Variants in SYNE1 observed in about 807,000 individuals in gnomAD.
SYNE1 encodes the protein nesprin-1.
Under a neutral mutation model 1,111.0 loss-of-function variants are expected in SYNE1, and 616 were observed. The observed-to-expected ratio is 0.55, with a 90% CI of 0.52 to 0.59. SYNE1 has a LOEUF of 0.59. Among genes scored for constraint, SYNE1 ranks in the 20% least tolerant of loss-of-function variants. The probability of loss-of-function intolerance (pLI) is 0.00; values close to 1 mark genes in which losing one functional copy is unlikely to be tolerated. For missense variants in SYNE1, 10,006 were observed against 10,417.0 expected (o/e 0.96, Z 1.72); for synonymous variants, 3,855 against 3,825.8 (o/e 1.01, Z -0.28).
At chr6:152,141,140 G>A in intron 139 of SYNE1, 63 bp downstream of exon 139, 1 of 1,611,978 alleles carries the variant, frequency 6.2e-7, no homozygotes, top group South Asian at 1.1e-5. Context: ...GAATTTCGCT[G>A]TTAACAAAGT....
chr6:152,406,944 CTTTTT>C, intron 45 of SYNE1, 65 bp downstream of exon 45: 1 of 967,416 alleles, frequency 1.0e-6, no homozygotes, highest in Non-Finnish European at 1.4e-6. Flanking sequence ...TTAAGAAAGA[CTTTTT>C]TTTTTTTTCA....
At chr6:152,360,053 CA>C (rs2096906090) in intron 64 of SYNE1, among the ~76,000 whole-genome samples, 1 of 152,190 alleles carries the variant, frequency 6.6e-6, no homozygotes, top group South Asian at 2.1e-4. Flanking sequence ...GATTCCTGGC[CA>C]CCAATTCTTT....
At chr6:152,494,714 C>G (rs1490287549) in intron 11 of SYNE1, among the ~76,000 whole-genome samples, 2 of 152,168 alleles carry the variant, frequency 1.3e-5, no homozygotes, top group Admixed American at 6.5e-5. Flanking sequence ...CCTCACCATG[C>G]AAGGGTCCTC....
intron 128 of SYNE1, among the ~76,000 whole-genome samples, chr6:152,188,017 C>T (rs1311175243): frequency 6.6e-6 from 1 of 152,160 alleles, no homozygotes; most frequent in Admixed American, 6.5e-5. Flanking sequence ...TAAGCCACCA[C>T]ACCTGGGTCC....
chr6:152,143,178 A>G (rs1586046265), intron 138 of SYNE1, among the ~76,000 whole-genome samples: 1 of 152,324 alleles, frequency 6.6e-6, no homozygotes, highest in East Asian at 1.9e-4. Context: ...ACACTAAAAA[A>G]CAGAAGAGAA....
chr6:152,134,618 T>C (rs111633949), intron 142 of SYNE1: 5,534 of 169,864 alleles, frequency 0.033, 103 homozygotes, highest in Middle Eastern at 0.066. Context: ...GAGGCGGAGA[T>C]TGCAGTGAGC....
At chr6:152,554,901 T>G (rs997486530) in intron 3 of SYNE1, among the ~76,000 whole-genome samples, 2 of 152,208 alleles carry the variant, frequency 1.3e-5, no homozygotes, top group African/African-American at 2.4e-5. Context: ...AAGAAAACAT[T>G]TTAATTTAAA....
At chr6:152,191,970 T>C (rs2635453) in intron 127 of SYNE1, among the ~76,000 whole-genome samples, 58,349 of 151,620 alleles carry the variant, frequency 0.38, 11,233 homozygotes, top group African/African-American at 0.45. Flanking sequence ...TTCAAGAAAT[T>C]TTTCTATTTC....
Position 152,447,525 on chromosome 6 carries a change from T to C in SYNE1, c.3602A>G (p.Gln1201Arg). Residue 1201 changes from glutamine to arginine, a missense_variant, in exon 29 of 146, where the codon CAA becomes CGA. By Grantham distance (43) the Gln-to-Arg change is conservative (BLOSUM62 1). This residue lies in a region of SYNE1 where 1,971 missense variants were observed against 2,084.1 expected (regional missense o/e 0.95). Coordinates refer to ENST00000367255, the MANE Select transcript of SYNE1 (RefSeq NM_182961.4). ...TTTTGCCAGCTCATCTCCCTGCTTTTGGGCTTCATTCTCAGAAGAAACTTC... is the reference window on the plus strand; with the variant it reads ...TTTTGCCAGCTCATCTCCCTGCTTTCGGGCTTCATTCTCAGAAGAAACTTC... Reference protein sequence around the residue: ...LTEVSSENEAQKQGDELAKLS... With the variant: ...LTEVSSENEARKQGDELAKLS... 1 of 1,614,242 alleles carries C rather than the reference T, an allele frequency of 6.2e-7. No individual in the cohort carries two copies. The highest frequency in any genetic ancestry group is 1.1e-5 in the South Asian group (1 of 91,090).
intron 2 of SYNE1, among the ~76,000 whole-genome samples, chr6:152,633,946 C>G (rs1412238529): frequency 6.6e-6 from 1 of 151,494 alleles, no homozygotes; most frequent in African/African-American, 2.4e-5. Flanking sequence ...TTTGGACTAC[C>G]TGCTATTTGG....
At chr6:152,423,410 G>A (rs549296955) in intron 39 of SYNE1, among the ~76,000 whole-genome samples, 2 of 152,240 alleles carry the variant, frequency 1.3e-5, no homozygotes, top group African/African-American at 4.8e-5. Context: ...AGGGGGCCAA[G>A]GGCCTCAGCC....
chr6:152,382,816 C>T (rs2097446588), intron 55 of SYNE1, among the ~76,000 whole-genome samples: 1 of 152,176 alleles, frequency 6.6e-6, no homozygotes, highest in African/African-American at 2.4e-5. Flanking sequence ...TGGAACACTT[C>T]AATATTTGCA....
At chr6:152,516,231 T>A (rs1235030954) in intron 6 of SYNE1, among the ~76,000 whole-genome samples, 1 of 152,146 alleles carries the variant, frequency 6.6e-6, no homozygotes, top group Non-Finnish European at 1.5e-5. Flanking sequence ...CAGGGAGATG[T>A]GGGGAGGAGG....
At chr6:152,246,368 G>C (rs1562475159) in intron 105 of SYNE1, among the ~76,000 whole-genome samples, 1 of 151,414 alleles carries the variant, frequency 6.6e-6, no homozygotes, top group Admixed American at 6.6e-5. Context: ...AATATACCCA[G>C]AAAGATATAA....
At chr6:152,337,588 G>A (rs770955046) in intron 75 of SYNE1, among the ~76,000 whole-genome samples, 2 of 152,138 alleles carry the variant, frequency 1.3e-5, no homozygotes, top group Non-Finnish European at 1.5e-5. Flanking sequence ...TGCGCCCAGC[G>A]AAACTCTAAT....
At chr6:152,415,243 G>A (rs1177436790) in intron 41 of SYNE1, among the ~76,000 whole-genome samples, 1 of 152,122 alleles carries the variant, frequency 6.6e-6, no homozygotes, top group East Asian at 1.9e-4. Context: ...TTTACTAAGG[G>A]AACTTATCTT....
chr6:152,284,141 T>C lies in SYNE1; in HGVS notation c.18044A>G (p.Asp6015Gly). 1 of 1,614,176 alleles carries C rather than the reference T, an allele frequency of 6.2e-7. No homozygotes were observed. Among genetic ancestry groups the C allele is most frequent in the Non-Finnish European group, 8.5e-7 (1 of 1,180,032 alleles). Reference sequence around the variant, plus strand: ...AGAGGACTGGAGCTCATTGATTTCATCCTGGAGCATGAGAATCTCATCCAT... The same window carrying C: ...AGAGGACTGGAGCTCATTGATTTCACCCTGGAGCATGAGAATCTCATCCAT... ...ALMDEILMLQ[D>G]EINELQSSLA... is the part of the protein sequence containing the mutation. The change falls in exon 96 of 146, where the codon GAT (aspartate) becomes GGT (glycine). Residue 6015 changes from aspartate to glycine, a missense_variant. Asp to Gly is a moderately conservative substitution (Grantham distance 94, BLOSUM62 -1). Around this residue, in one of 7 missense-constraint regions of SYNE1, gnomAD observed 4,955 missense variants for 5,017.2 expected, o/e 0.99. Coordinates refer to ENST00000367255, the MANE Select transcript of SYNE1 (RefSeq NM_182961.4).
intron 39 of SYNE1, among the ~76,000 whole-genome samples, chr6:152,422,564 G>A (rs2098281704): frequency 6.6e-6 from 1 of 151,722 alleles, no homozygotes; most frequent in Non-Finnish European, 1.5e-5. Context: ...GTGCAGTGCT[G>A]TGATCACAGC....
chr6:152,167,805 G>A (rs1208037824), intron 130 of SYNE1: 1 of 597,568 alleles, frequency 1.7e-6, no homozygotes, highest in Non-Finnish European at 3.3e-6. Flanking sequence ...TCGCTTTCCT[G>A]TGTCTCAGCC....
Sources: gnomAD v4.1 joint callset for allele counts (sites outside exome capture counted in the v4.1 genomes callset) on GRCh38, gnomAD v4.1.1 for gene constraint, gnomAD v4.1.1 regional missense constraint, MANE v1.5 for transcripts, NCBI Gene and HGNC (gene_info 2026-07-23, HGNC 2026-07-21) for gene names.